THSD7A: variants seen among roughly 807,000 people sequenced by gnomAD.
The protein encoded by THSD7A is thrombospondin type-1 domain-containing protein 7A.
In THSD7A, 96 loss-of-function variants were observed where a neutral mutation model predicts 231.3. The ratio of observed to expected loss-of-function variants is 0.41; its 90% CI spans 0.35 to 0.49. The LOEUF is 0.49. Ranked by LOEUF, THSD7A falls within the 20% of genes least tolerant of loss-of-function variation. THSD7A has a pLI of 0.05. For synonymous variants in THSD7A, 940 were observed against 743.3 expected (o/e 1.26, Z -4.30); for missense variants, 2,290 against 2,070.2 (o/e 1.11, Z -2.06).
chr7:11,627,827 A>C (rs1781521951), intron 2 of THSD7A, among the ~76,000 whole-genome samples: 1 of 152,130 alleles, frequency 6.6e-6, no homozygotes, highest in African/African-American at 2.4e-5. Context: ...TTTTGAAATA[A>C]ATATAAATAC....
intron 23 of THSD7A, among the ~76,000 whole-genome samples, chr7:11,385,927 T>C (rs1394463576): frequency 2.0e-5 from 3 of 152,114 alleles, no homozygotes; most frequent in Non-Finnish European, 2.9e-5. Flanking sequence ...GTCCATATGT[T>C]CTCGTTGTTC....
At chr7:11,705,417 A>G (rs562073810) in intron 1 of THSD7A, among the ~76,000 whole-genome samples, 2 of 151,034 alleles carry the variant, frequency 1.3e-5, no homozygotes, top group African/African-American at 4.8e-5. Context: ...TGCATCTTCT[A>G]CTTCTGGAAG....
At chr7:11,784,513 C>T (rs1412582715) in intron 1 of THSD7A, among the ~76,000 whole-genome samples, 1 of 151,798 alleles carries the variant, frequency 6.6e-6, no homozygotes. Context: ...CGTCTTCTTC[C>T]AGTTAACTAA....
intron 2 of THSD7A, 121 bp from the exon 3 acceptor site, chr7:11,593,623 T>C: frequency 3.2e-6 from 4 of 1,235,606 alleles, no homozygotes; most frequent in Non-Finnish European, 4.5e-6. Context: ...TGATTCCAGT[T>C]TCATCGAAAA....
chr7:11,669,820 T>C (rs1562460889), intron 1 of THSD7A, among the ~76,000 whole-genome samples: 1 of 152,122 alleles, frequency 6.6e-6, no homozygotes, highest in Non-Finnish European at 1.5e-5. Context: ...CCAGCCTACA[T>C]ATATAATCCT....
At chr7:11,388,694 A>C (rs1358899185) in intron 23 of THSD7A, among the ~76,000 whole-genome samples, 3 of 151,724 alleles carry the variant, frequency 2.0e-5, no homozygotes, top group Non-Finnish European at 4.4e-5. Flanking sequence ...TATTTCCTTC[A>C]GTTCTGCTAG....
chr7:11,777,641 T>C (rs146737229), intron 1 of THSD7A, among the ~76,000 whole-genome samples: 308 of 152,316 alleles, frequency 2.0e-3, no homozygotes, highest in African/African-American at 7.0e-3. Context: ...CTATTGTTTG[T>C]CTAAGATAGT....
At chr7:11,396,995 G>A (rs994984359) in intron 23 of THSD7A, among the ~76,000 whole-genome samples, 19 of 152,226 alleles carry the variant, frequency 1.2e-4, no homozygotes, top group Middle Eastern at 3.4e-3. Context: ...ATCAATAAAC[G>A]TAATCCATCA....
At chr7:11,575,419 T>C (rs545369540) in intron 4 of THSD7A, among the ~76,000 whole-genome samples, 5 of 152,362 alleles carry the variant, frequency 3.3e-5, no homozygotes, top group African/African-American at 1.2e-4. Context: ...TGCATCTAGT[T>C]AGGCCTGGAT....
intron 1 of THSD7A, among the ~76,000 whole-genome samples, chr7:11,706,629 G>GTTTTT (rs1780775506): frequency 1.8e-5 from 1 of 54,396 alleles, no homozygotes; most frequent in South Asian, 5.6e-4. Context: ...TTAACAAGGT[G>GTTTTT]CTTTTTTTTT....
chr7:11,482,614 G>C (rs1449941042), intron 6 of THSD7A, among the ~76,000 whole-genome samples: 1 of 152,138 alleles, frequency 6.6e-6, no homozygotes, highest in African/African-American at 2.4e-5. Context: ...ACAAACAAAT[G>C]GCAGAAGTAA....
At chr7:11,782,012 T>C (rs1019327485) in intron 1 of THSD7A, among the ~76,000 whole-genome samples, 7 of 152,110 alleles carry the variant, frequency 4.6e-5, no homozygotes, top group African/African-American at 1.4e-4. Context: ...CCCCTCCCCC[T>C]AAGTCATAAT....
chr7:11,639,730 T>C (rs1782007653), intron 1 of THSD7A, among the ~76,000 whole-genome samples: 1 of 152,114 alleles, frequency 6.6e-6, no homozygotes, highest in African/African-American at 2.4e-5. Flanking sequence ...CACAAATTAA[T>C]GTTTTATTAT....
chr7:11,796,331 G>A (rs190949026), intron 1 of THSD7A, among the ~76,000 whole-genome samples: 69 of 140,008 alleles, frequency 4.9e-4, no homozygotes, highest in Non-Finnish European at 9.5e-4. Flanking sequence ...GGTAAGAAAT[G>A]TCCATCCACT....
At position 11,382,570 on chromosome 7, in the gene THSD7A, G is replaced by A; in HGVS notation, c.4458C>T (p.Gly1486=). ...TTTGACACCACACTGTTCGGGAAGAGCCCTTCCAAGCACTGGCCATCCATT... is the reference window on the plus strand; with the variant it reads ...TTTGACACCACACTGTTCGGGAAGAACCCTTCCAAGCACTGGCCATCCATT... ...EYKWMASAWK[G]SSRTVWCQRS... The change falls in exon 24 of 28, where the codon GGC becomes GGT. Residue 1486 remains glycine (G), a synonymous_variant. Coordinates refer to ENST00000423059, the MANE Select transcript of THSD7A (RefSeq NM_015204.3). The A allele has an allele frequency of 6.2e-7, 1 of 1,612,920 alleles. No individual in the cohort carries two copies. Among genetic ancestry groups the A allele is most frequent in the Non-Finnish European group, 8.5e-7 (1 of 1,179,258 alleles).
chr7:11,660,323 C>T (rs1232395387), intron 1 of THSD7A, among the ~76,000 whole-genome samples: 1 of 151,266 alleles, frequency 6.6e-6, no homozygotes, highest in African/African-American at 2.4e-5. Context: ...AGTTCTTATG[C>T]AATAACAAAG....
At chr7:11,690,780 T>C (rs915745047) in intron 1 of THSD7A, among the ~76,000 whole-genome samples, 6 of 151,780 alleles carry the variant, frequency 4.0e-5, no homozygotes, top group Non-Finnish European at 7.4e-5. Flanking sequence ...AAATTAAACA[T>C]TTATTTATGC....
intron 1 of THSD7A, among the ~76,000 whole-genome samples, chr7:11,742,456 T>C (rs1387198283): frequency 6.6e-6 from 1 of 151,842 alleles, no homozygotes; most frequent in African/African-American, 2.4e-5. Context: ...TTTAAGAATA[T>C]AGCTACTAGA....
intron 13 of THSD7A, among the ~76,000 whole-genome samples, chr7:11,435,030 T>C (rs966255017): frequency 6.6e-6 from 1 of 151,998 alleles, no homozygotes; most frequent in South Asian, 2.1e-4. Context: ...ATTCATTTTA[T>C]ATACATTTGA....
Sources: gnomAD v4.1 joint callset for allele counts (sites outside exome capture counted in the v4.1 genomes callset) on GRCh38, gnomAD v4.1.1 for gene constraint, MANE v1.5 for transcripts, NCBI Gene and HGNC (gene_info 2026-07-23, HGNC 2026-07-21) for gene names.